Variants in ADAM32 observed in about 807,000 individuals in gnomAD.
The protein encoded by ADAM32 is disintegrin and metalloproteinase domain-containing protein 32.
Under a neutral mutation model 114.9 loss-of-function variants are expected in ADAM32, and 89 were observed. The observed-to-expected ratio is 0.77, with a 90% CI of 0.65 to 0.92. The LOEUF (loss-of-function observed/expected upper bound fraction) is 0.92, where lower values mean the gene tolerates loss of function less well. Among genes scored for constraint, ADAM32 ranks in the 40% least tolerant of loss-of-function variants. The probability of loss-of-function intolerance (pLI) is 0.00; values close to 1 mark genes in which losing one functional copy is unlikely to be tolerated. For synonymous variants in ADAM32, 285 were observed against 307.5 expected (o/e 0.93, Z 0.77); for missense variants, 870 against 932.8 (o/e 0.93, Z 0.88).
At chr8:39,186,865 TA>T in intron 10 of ADAM32, 43 bp from the exon 11 acceptor site, 1 of 1,476,258 alleles carries the variant, frequency 6.8e-7, no homozygotes, top group Non-Finnish European at 9.2e-7. Flanking sequence ...TACCACCCTT[TA>T]GAGAATTATC....
chr8:39,282,767 AT>A (rs1479939194), intron 23 of ADAM32, among the ~76,000 whole-genome samples: 4 of 152,212 alleles, frequency 2.6e-5, no homozygotes, highest in Middle Eastern at 6.8e-3. Context: ...GAAACAATAT[AT>A]TTTTTTAAGC....
chr8:39,242,623 C>T (rs533938793), intron 16 of ADAM32, among the ~76,000 whole-genome samples: 1 of 152,188 alleles, frequency 6.6e-6, no homozygotes, highest in African/African-American at 2.4e-5. Flanking sequence ...AAAGACCTGC[C>T]TCCATGATTC....
chr8:39,282,856 C>G (rs1813509952), intron 23 of ADAM32, among the ~76,000 whole-genome samples: 1 of 151,728 alleles, frequency 6.6e-6, no homozygotes, highest in African/African-American at 2.4e-5. Flanking sequence ...TGGGAGATAA[C>G]TAATTATATT....
At chr8:39,142,974 T>C (rs1205691548) in intron 3 of ADAM32, among the ~76,000 whole-genome samples, 1 of 152,224 alleles carries the variant, frequency 6.6e-6, no homozygotes, top group African/African-American at 2.4e-5. Flanking sequence ...ATCACTGATA[T>C]TGTTTCTTCC....
intron 12 of ADAM32, among the ~76,000 whole-genome samples, chr8:39,213,603 C>T (rs925451707): frequency 5.9e-5 from 9 of 152,106 alleles, no homozygotes; most frequent in African/African-American, 1.9e-4. Flanking sequence ...TACAGGCATG[C>T]TATGCATAAT....
chr8:39,255,823 TC>T (rs1275229837), intron 18 of ADAM32, among the ~76,000 whole-genome samples: 1 of 152,116 alleles, frequency 6.6e-6, no homozygotes, highest in Non-Finnish European at 1.5e-5. Context: ...TAGAATAGTT[TC>T]CTGATGTTAT....
At chr8:39,282,284 C>T (rs1323032885) in intron 23 of ADAM32, among the ~76,000 whole-genome samples, 1 of 152,172 alleles carries the variant, frequency 6.6e-6, no homozygotes, top group Non-Finnish European at 1.5e-5. Context: ...AGGGTTAATG[C>T]TCAATAAATA....
chr8:39,280,128 T>C (rs1813334275), intron 22 of ADAM32, among the ~76,000 whole-genome samples: 1 of 152,234 alleles, frequency 6.6e-6, no homozygotes. Flanking sequence ...CATTAAAGAC[T>C]ACCAGGCTTG....
intron 2 of ADAM32, among the ~76,000 whole-genome samples, chr8:39,131,050 G>A (rs553528431): frequency 7.4e-4 from 108 of 145,232 alleles, no homozygotes; most frequent in African/African-American, 1.5e-3. Flanking sequence ...TCCACCTCCC[G>A]GGTTCACACC....
chr8:39,272,766 C>T (rs1049675754), intron 20 of ADAM32, among the ~76,000 whole-genome samples: 5 of 152,086 alleles, frequency 3.3e-5, no homozygotes, highest in Non-Finnish European at 5.9e-5. Flanking sequence ...ACTAAATTTA[C>T]TTAAAAATTT....
chr8:39,267,753 A>G (rs1812456963), intron 19 of ADAM32, among the ~76,000 whole-genome samples: 1 of 152,180 alleles, frequency 6.6e-6, no homozygotes, highest in African/African-American at 2.4e-5. Context: ...CTGGAGTTGG[A>G]CTGCACAATC....
At chr8:39,162,375 G>A (rs1368608048) in intron 7 of ADAM32, among the ~76,000 whole-genome samples, 1 of 152,002 alleles carries the variant, frequency 6.6e-6, no homozygotes, top group Non-Finnish European at 1.5e-5. Flanking sequence ...ATTCCATGGT[G>A]TATATGTGCC....
intron 11 of ADAM32, among the ~76,000 whole-genome samples, chr8:39,193,767 A>C (rs1344566754): frequency 7.2e-5 from 11 of 152,138 alleles, no homozygotes; most frequent in Admixed American, 7.2e-4. Flanking sequence ...TAGGGGGCCA[A>C]GGCTAGGCTC....
intron 24 of ADAM32, 21 bp from the exon 25 acceptor site, chr8:39,284,772 T>G: frequency 6.2e-7 from 1 of 1,612,730 alleles, no homozygotes; most frequent in Non-Finnish European, 8.5e-7. Flanking sequence ...TGAGCACGTG[T>G]TTTTTTGTTC....
chr8:39,217,115 A>AT lies in ADAM32; in HGVS notation c.1234-4494dup, dbSNP rs201011367. ...CATTATGTTTAAAGAATATATATATATATTTTTTTACCAGATATGCTATCC... is the reference window on the plus strand; with the variant it reads ...CATTATGTTTAAAGAATATATATATATTATTTTTTTACCAGATATGCTATCC... On this transcript the variant is annotated intron_variant, in intron 12 of 24. Coordinates refer to ENST00000379907, the MANE Select transcript of ADAM32 (RefSeq NM_145004.7). 4.3e-3 allele frequency among the ~76,000 whole-genome samples: 569 copies of AT among 131,680 alleles called. 4 individuals carry two copies. The highest frequency in any genetic ancestry group is 0.015 in the African/African-American group (484 of 33,144). 86.4% of individuals were successfully genotyped at this position (131,680 alleles called of 152,430 possible).
intron 19 of ADAM32, among the ~76,000 whole-genome samples, chr8:39,264,773 AT>A (rs1812250204): frequency 6.6e-6 from 1 of 152,054 alleles, no homozygotes; most frequent in Non-Finnish European, 1.5e-5. Flanking sequence ...GTTTCAAATA[AT>A]TTTTTTATTT....
chr8:39,107,700 G>T (rs1393491871), upstream of ADAM32: 3 of 1,546,664 alleles, frequency 1.9e-6, no homozygotes, highest in Non-Finnish European at 2.6e-6. Flanking sequence ...GCGGCCCCCG[G>T]CGTCCGCGCG....
At chr8:39,259,060 C>A (rs979755081) in intron 19 of ADAM32, among the ~76,000 whole-genome samples, 1 of 152,002 alleles carries the variant, frequency 6.6e-6, no homozygotes, top group Non-Finnish European at 1.5e-5. Flanking sequence ...ATATGAAATG[C>A]ACTAATGGAG....
intron 12 of ADAM32, among the ~76,000 whole-genome samples, chr8:39,216,153 G>C (rs1249055252): frequency 2.6e-5 from 4 of 151,894 alleles, no homozygotes; most frequent in Admixed American, 2.6e-4. Flanking sequence ...ATTATATAAT[G>C]ACCTTCTTTG....
Sources: gnomAD v4.1 joint callset for allele counts (sites outside exome capture counted in the v4.1 genomes callset) on GRCh38, gnomAD v4.1.1 for gene constraint, MANE v1.5 for transcripts, NCBI Gene and HGNC (gene_info 2026-07-23, HGNC 2026-07-21) for gene names.